Variants in PTCHD4 observed in about 807,000 individuals in gnomAD.
The protein encoded by PTCHD4 is patched domain-containing protein 4.
PTCHD4 carries 33 observed loss-of-function variants against 58.1 expected under a neutral mutation model. That is an observed-to-expected ratio of 0.57 (90% CI 0.43 to 0.76). The LOEUF (loss-of-function observed/expected upper bound fraction) is 0.76. Among genes scored for constraint, PTCHD4 ranks in the 30% least tolerant of loss-of-function variants. PTCHD4 has a pLI of 0.00. For synonymous variants in PTCHD4, 478 were observed against 409.6 expected, an observed-to-expected ratio of 1.17 and a Z score of -2.02; for missense variants, 1,058 against 1,027.1, an observed-to-expected ratio of 1.03 and a Z score of -0.41.
At chr6:47,885,719 A>C (rs1414387332) in intron 4 of PTCHD4, among the ~76,000 whole-genome samples, 1 of 152,216 alleles carries the variant, frequency 6.6e-6, no homozygotes, top group Non-Finnish European at 1.5e-5. Flanking sequence ...CATTTTTTCC[A>C]AACTCCTACT....
At chr6:48,102,060 C>G (rs1167836125) in intron 1 of PTCHD4, among the ~76,000 whole-genome samples, 1 of 152,222 alleles carries the variant, frequency 6.6e-6, no homozygotes, top group East Asian at 1.9e-4. Flanking sequence ...AGTCTAGACT[C>G]AGACCCCAGG....
chr6:48,104,876 G>A (rs1032164442), intron 1 of PTCHD4, among the ~76,000 whole-genome samples: 1 of 152,156 alleles, frequency 6.6e-6, no homozygotes, highest in African/African-American at 2.4e-5. Flanking sequence ...TAATGGTAAA[G>A]GGATCAATTC....
At chr6:47,965,710 C>T (rs1394863618) in intron 4 of PTCHD4, among the ~76,000 whole-genome samples, 3 of 152,122 alleles carry the variant, frequency 2.0e-5, no homozygotes, top group Admixed American at 1.3e-4. Context: ...GGGCGGATCA[C>T]GAGGTCAGGA....
At chr6:48,091,620 C>T (rs1249480365) in intron 1 of PTCHD4, among the ~76,000 whole-genome samples, 1 of 140,874 alleles carries the variant, frequency 7.1e-6, no homozygotes, top group African/African-American at 2.5e-5. Context: ...TCCTTCCCTC[C>T]CTCCCTCCCT....
chr6:48,077,448 G>A (rs570053868), intron 1 of PTCHD4, among the ~76,000 whole-genome samples: 1 of 152,286 alleles, frequency 6.6e-6, no homozygotes, highest in Admixed American at 6.5e-5. Flanking sequence ...ACTTACTACA[G>A]CTTTTTTATT....
intron 4 of PTCHD4, among the ~76,000 whole-genome samples, chr6:47,918,565 T>C (rs1469117864): frequency 6.6e-6 from 1 of 151,906 alleles, no homozygotes. Flanking sequence ...ATATTTGTAG[T>C]TGGCTAGCTA....
chr6:48,059,314 G>T (rs1562031892), intron 3 of PTCHD4, among the ~76,000 whole-genome samples: 1 of 152,136 alleles, frequency 6.6e-6, no homozygotes, highest in Non-Finnish European at 1.5e-5. Flanking sequence ...ATACTGTAAG[G>T]TAAGGGCTAT....
intron 4 of PTCHD4, among the ~76,000 whole-genome samples, chr6:47,979,320 T>C (rs1767799205): frequency 6.6e-6 from 1 of 152,148 alleles, no homozygotes; most frequent in African/African-American, 2.4e-5. Flanking sequence ...GTGCATTTAT[T>C]GTATATAAAT....
rs774849243 is a variant in PTCHD4, at chr6:47,879,387, C to G, written c.1448G>C (p.Ser483Thr). The G allele has an allele frequency of 1.1e-5, 18 of 1,613,684 alleles. No individual in the cohort carries two copies. The highest frequency in any genetic ancestry group is 1.4e-5 in the Non-Finnish European group (17 of 1,179,764). The change falls in exon 5 of 5, where the codon AGT becomes ACT. Residue 483 changes from serine to threonine, a missense_variant. Coordinates refer to ENST00000339488, the MANE Select transcript of PTCHD4 (RefSeq NM_001384253.1). The stretch of plus-strand genomic sequence containing the variant: ...TAGATTGATGATGTTGGCTCCGTCA[C>G]TGATCTGTAAGCACCCCATGAAGGA... ...SFSFMGCLQISDGANIINLLA... is the reference protein window; with the variant it reads ...SFSFMGCLQITDGANIINLLA...
intron 3 of PTCHD4, among the ~76,000 whole-genome samples, chr6:48,011,859 G>C (rs1762686800): frequency 6.6e-6 from 1 of 152,048 alleles, no homozygotes; most frequent in Non-Finnish European, 1.5e-5. Context: ...TTTTTGTCAG[G>C]TTTGTCAAAG....
intron 1 of PTCHD4, among the ~76,000 whole-genome samples, chr6:48,110,832 A>G (rs527983136): frequency 5.9e-4 from 88 of 148,902 alleles, no homozygotes; most frequent in African/African-American, 1.9e-3. Context: ...CTTTACAAAT[A>G]TGTTCTCCCA....
intron 3 of PTCHD4, among the ~76,000 whole-genome samples, chr6:48,041,851 T>A (rs1348991596): frequency 6.6e-6 from 1 of 152,052 alleles, no homozygotes. Flanking sequence ...TCTTATCTTT[T>A]AAAAAGCTAT....
intron 4 of PTCHD4, among the ~76,000 whole-genome samples, chr6:48,005,938 G>A (rs901757949): frequency 2.0e-5 from 3 of 152,134 alleles, no homozygotes; most frequent in Non-Finnish European, 4.4e-5. Flanking sequence ...ACCTAGCAGA[G>A]TGTTCCTTTT....
chr6:47,913,155 A>G (rs778279331), intron 4 of PTCHD4, among the ~76,000 whole-genome samples: 1 of 152,094 alleles, frequency 6.6e-6, no homozygotes, highest in Non-Finnish European at 1.5e-5. Context: ...TGTGCCAGGC[A>G]CTTAGCTTTC....
intron 1 of PTCHD4, among the ~76,000 whole-genome samples, chr6:48,109,454 T>C (rs1412407143): frequency 2.0e-5 from 3 of 152,116 alleles, no homozygotes; most frequent in Non-Finnish European, 4.4e-5. Context: ...TAGTGAGACC[T>C]GGAACTATGA....
intron 4 of PTCHD4, among the ~76,000 whole-genome samples, chr6:48,007,960 ACACG>A (rs758407306): frequency 7.1e-6 from 1 of 141,334 alleles, no homozygotes; most frequent in Middle Eastern, 3.4e-3. Flanking sequence ...ACACACACAC[ACACG>A]CACCACCTAC....
intron 4 of PTCHD4, among the ~76,000 whole-genome samples, chr6:47,898,780 G>T (rs77394059): frequency 0.078 from 11,828 of 152,166 alleles, 575 homozygotes; most frequent in Middle Eastern, 0.11. Flanking sequence ...CATGCCACCC[G>T]TGAGAAAATG....
At chr6:47,956,890 G>A (rs919282325) in intron 4 of PTCHD4, among the ~76,000 whole-genome samples, 12 of 152,072 alleles carry the variant, frequency 7.9e-5, no homozygotes, top group African/African-American at 2.9e-4. Flanking sequence ...TTCGTTGGGC[G>A]TGGTGATTCA....
intron 4 of PTCHD4, among the ~76,000 whole-genome samples, chr6:47,942,691 C>T (rs1766279236): frequency 6.6e-6 from 1 of 152,204 alleles, no homozygotes. Flanking sequence ...CTGTAGCAAC[C>T]TCATGTTTGA....
Sources: allele counts gnomAD v4.1 joint callset (sites outside exome capture counted in the v4.1 genomes callset), GRCh38; gene constraint gnomAD v4.1.1; transcripts MANE v1.5; gene names NCBI Gene and HGNC (gene_info 2026-07-23, HGNC 2026-07-21).